RUSF1: variants seen among roughly 807,000 people sequenced by gnomAD.
RUSF1 encodes RUS1 family protein C16orf58.
Under a neutral mutation model 63.0 loss-of-function variants are expected in RUSF1, and 58 were observed. The ratio of observed to expected loss-of-function variants is 0.92; its 90% CI spans 0.75 to 1.15. The LOEUF (loss-of-function observed/expected upper bound fraction) is 1.15. RUSF1 is among the 50% of genes most tolerant of loss of function. The probability of loss-of-function intolerance (pLI) is 0.00; values close to 1 mark genes in which losing one functional copy is unlikely to be tolerated. For synonymous variants in RUSF1, 274 were observed against 255.8 expected (o/e 1.07, Z -0.68); for missense variants, 652 against 611.0 (o/e 1.07, Z -0.71).
intron 9 of RUSF1, 42 bp downstream of exon 9, chr16:31,493,425 T>C (rs1318913486): frequency 4.5e-6 from 7 of 1,558,156 alleles, no homozygotes; most frequent in African/African-American, 1.4e-5. Flanking sequence ...GAGGGGAGTG[T>C]GGGTGGCGGT....
Position 31,508,294 on chromosome 16 carries a change from G to A in RUSF1, c.80C>T (p.Ala27Val). 6.3e-7 allele frequency: 1 copy of A among 1,576,412 alleles called. No homozygotes were observed. The change falls in exon 1 of 13, where the codon GCC becomes GTC. Residue 27 changes from alanine (A) to valine (V), a missense_variant. Physicochemically the swap from Ala to Val is moderately conservative, Grantham distance 64. Coordinates refer to ENST00000327237, the MANE Select transcript of RUSF1 (RefSeq NM_022744.4). ...GSGEARGCRA[A>V]ADGSLQWEVG... ...CTCCCACTGCAGGCTCCCGTCCGCG[G>A]CGGCGCGGCAGCCCCGTGCCTCCCC... is the stretch of plus-strand genomic sequence containing the variant.
chr16:31,495,035 T>C (rs1475583047), intron 6 of RUSF1, among the ~76,000 whole-genome samples: 1 of 152,136 alleles, frequency 6.6e-6, no homozygotes, highest in African/African-American at 2.4e-5. Context: ...ATGCAGTAAC[T>C]GGCAGATAGA....
At chr16:31,491,676 T>C (rs547267188) in intron 12 of RUSF1, among the ~76,000 whole-genome samples, 20 of 144,980 alleles carry the variant, frequency 1.4e-4, no homozygotes, top group African/African-American at 4.3e-4. Flanking sequence ...GCTGGTACAA[T>C]CATGGCTCAC....
chr16:31,508,167 G>A lies in RUSF1; in HGVS notation c.207C>T (p.Pro69=). Reference sequence around the variant, plus strand: ...GGAACACGGCCTGGAGCCCGGAGAGGGGCGGTGAGGGGGCCCCGGAAGCCC... The same window carrying A: ...GGAACACGGCCTGGAGCCCGGAGAGAGGCGGTGAGGGGGCCCCGGAAGCCC... ...EVGASGAPSP[P]LSGLQAVFLP... is the part of the protein sequence containing the mutation. The change falls in exon 1 of 13, where the codon CCC becomes CCT. Residue 69 remains proline, a synonymous_variant. Transcript: ENST00000327237. The A allele has an allele frequency of 6.3e-7, 1 of 1,578,484 alleles. No homozygotes were observed. Among genetic ancestry groups the A allele is most frequent in the Non-Finnish European group, 8.6e-7 (1 of 1,163,326 alleles).
intron 1 of RUSF1, 42 bp from the exon 2 acceptor site, chr16:31,507,920 C>G (rs1379055214): frequency 6.5e-7 from 1 of 1,545,226 alleles, no homozygotes; most frequent in Non-Finnish European, 8.8e-7. Context: ...GGCGTAGGAG[C>G]GTGGCGGTCT....
At position 31,490,137 on chromosome 16, in the gene RUSF1, A is replaced by G. The variant is rs762542751; in HGVS notation, c.*698T>C. 13 of 1,613,976 alleles carry G rather than the reference A, an allele frequency of 8.1e-6. No homozygotes were observed. The highest frequency in any genetic ancestry group is 2.7e-5 in the African/African-American group (2 of 74,924). On this transcript the variant is annotated 3_prime_UTR_variant, in exon 13 of 13. Coordinates refer to ENST00000327237, the MANE Select transcript of RUSF1 (RefSeq NM_022744.4). Reference sequence around the variant, plus strand: ...CCTGGTCTTCAGTCTCCGGCATAGCAAGGAGGAACGGGAGGACCTGGATGC... The same window carrying G: ...CCTGGTCTTCAGTCTCCGGCATAGCGAGGAGGAACGGGAGGACCTGGATGC...
intron 6 of RUSF1, 78 bp downstream of exon 6, chr16:31,496,771 G>A (rs1222334220): frequency 1.4e-5 from 17 of 1,234,220 alleles, no homozygotes; most frequent in Non-Finnish European, 1.8e-5. Context: ...TGTGTTCCTG[G>A]GCCCTCCAGG....
In RUSF1 at chr16:31,490,684, C is replaced by T; in HGVS notation, c.*151G>A. On this transcript the variant is annotated 3_prime_UTR_variant, in exon 13 of 13. Coordinates refer to ENST00000327237, the MANE Select transcript of RUSF1 (RefSeq NM_022744.4). ...GCCTTCCTCTGCCTGGGGCCCACTG[C>T]ATCTGATTGGCAGTCACTTCCCATG... 9.1e-7 allele frequency: 1 copy of T among 1,094,916 alleles called. No individual in the cohort carries two copies. The highest frequency in any genetic ancestry group is 1.4e-6 in the Non-Finnish European group (1 of 731,452). 67.8% of individuals were successfully genotyped at this position (1,094,916 alleles called of 1,614,324 possible). A position where few individuals can be genotyped will look rare whatever the true frequency, so the allele number is the denominator to read the frequency against.
chr16:31,504,308 G>A (rs971417555), intron 2 of RUSF1, among the ~76,000 whole-genome samples: 2 of 151,980 alleles, frequency 1.3e-5, no homozygotes, highest in African/African-American at 4.8e-5. Flanking sequence ...CTGCTCTGCT[G>A]CCCAGGCTGG....
chr16:31,498,045 G>A (rs902061717), intron 5 of RUSF1, among the ~76,000 whole-genome samples: 27 of 152,174 alleles, frequency 1.8e-4, no homozygotes, highest in Admixed American at 2.0e-4. Flanking sequence ...TTTGAGGAGG[G>A]AAAAATAACA....
intron 2 of RUSF1, 117 bp downstream of exon 2, chr16:31,507,647 G>A: frequency 1.1e-6 from 1 of 936,082 alleles, no homozygotes; most frequent in Non-Finnish European, 1.6e-6. Flanking sequence ...TAATCACTGG[G>A]GAGACCTGCC....
At chr16:31,505,879 G>A (rs2082656240) in intron 2 of RUSF1, among the ~76,000 whole-genome samples, 1 of 152,150 alleles carries the variant, frequency 6.6e-6, no homozygotes, top group African/African-American at 2.4e-5. Flanking sequence ...ATGGTGTCCA[G>A]TAACCTTTTC....
rs2082608496 is a variant in RUSF1 at position 31,497,249 on chromosome 16, T to A, written c.601-299A>T. On this transcript the variant is annotated intron_variant, in intron 5 of 12. Transcript: ENST00000327237. Reference sequence around the variant, plus strand: ...CCAGCCCTCCAGCTCCTGCTTGGGCTATACCCTCCCCATTACTGGCGGGAG... The same window carrying A: ...CCAGCCCTCCAGCTCCTGCTTGGGCAATACCCTCCCCATTACTGGCGGGAG... Among the ~76,000 whole-genome samples, 4 of 152,130 alleles carry A rather than the reference T, an allele frequency of 2.6e-5. No individual in the cohort carries two copies. The South Asian group carries it at 8.3e-4, about 32-fold the overall frequency.
Position 31,489,715 on chromosome 16 carries a change from G to T in RUSF1, c.*1120C>A. On this transcript the variant is annotated 3_prime_UTR_variant, in exon 13 of 13. Transcript: ENST00000327237. ...GCTGATGGTGGCAGGGTGGGGTGAG[G>T]ACAGGACAAGAGATCTGGGTGTGGA... 1 of 452,080 alleles carries T rather than the reference G, an allele frequency of 2.2e-6. No individual in the cohort carries two copies. Among genetic ancestry groups the T allele is most frequent in the South Asian group, 2.1e-5 (1 of 47,670 alleles). 28.0% of individuals were successfully genotyped at this position (452,080 alleles called of 1,614,324 possible).
rs2082673891 is a variant in RUSF1, at chr16:31,508,321, G to T, written c.53C>A (p.Ser18Tyr). The T allele has an allele frequency of 1.3e-6, 2 of 1,577,970 alleles. No individual in the cohort carries two copies. The highest frequency in any genetic ancestry group is 1.7e-4 in the Middle Eastern group (1 of 5,754). Residue 18 changes from serine (S) to tyrosine (Y), a missense_variant, in exon 1 of 13, where the codon TCC (serine) becomes TAC (tyrosine). Coordinates refer to ENST00000327237, the MANE Select transcript of RUSF1 (RefSeq NM_022744.4). ...GGCGCGGCAGCCCCGTGCCTCCCCG[G>T]AGCCGAACTGCTCGGAACACAGCGG... Reference protein sequence around the residue: ...ETPLCSEQFGSGEARGCRAAA... With the variant: ...ETPLCSEQFGYGEARGCRAAA...
In RUSF1 at chr16:31,490,528, A is replaced by C. The variant is rs141376808; in HGVS notation, c.*307T>G. 1.9e-6 allele frequency: 3 copies of C among 1,610,906 alleles called. No homozygotes were observed. Among genetic ancestry groups the C allele is most frequent in the African/African-American group, 1.3e-5 (1 of 74,904 alleles). On this transcript the variant is annotated 3_prime_UTR_variant, in exon 13 of 13. Transcript: ENST00000327237. ...GTGGCCGTGTTCCTCTGGGGCTTCT[A>C]TGCCTAAGACCAACTGCGTTGGACA...
chr16:31,490,772 G>T lies in RUSF1; in HGVS notation c.*63C>A. 1 of 1,561,786 alleles carries T rather than the reference G, an allele frequency of 6.4e-7. No individual in the cohort carries two copies. The highest frequency in any genetic ancestry group is 8.8e-7 in the Non-Finnish European group (1 of 1,133,436). ...AATAAAGCTGCCTTTCCCCTGTCCT[G>T]CTGTGGCCAAAGTGTCCTTGCTCCA... is the stretch of plus-strand genomic sequence containing the variant. On this transcript the variant is annotated 3_prime_UTR_variant, in exon 13 of 13. Coordinates refer to ENST00000327237, the MANE Select transcript of RUSF1 (RefSeq NM_022744.4).
chr16:31,492,545 C>T (rs528654546), intron 10 of RUSF1, among the ~76,000 whole-genome samples: 5 of 152,288 alleles, frequency 3.3e-5, no homozygotes, highest in East Asian at 1.9e-4. Flanking sequence ...ATTTCCCAGC[C>T]GCTCACTGGG....
rs532838657 is a variant in RUSF1 at position 31,490,081 on chromosome 16, G to T, written c.*754C>A. The stretch of plus-strand genomic sequence containing the variant: ...CATGGGGGGACAGAACTCCCACCTC[G>T]TTCGTGCTCCCACCCTCCCCAGCTC... On this transcript the variant is annotated 3_prime_UTR_variant, in exon 13 of 13. Transcript: ENST00000327237. 1.2e-6 allele frequency: 2 copies of T among 1,612,922 alleles called. No individual in the cohort carries two copies. Among genetic ancestry groups the T allele is most frequent in the African/African-American group, 2.7e-5 (2 of 74,992 alleles).
Sources: allele counts gnomAD v4.1 joint callset (sites outside exome capture counted in the v4.1 genomes callset), GRCh38; gene constraint gnomAD v4.1.1; transcripts MANE v1.5; gene names NCBI Gene and HGNC (gene_info 2026-07-23, HGNC 2026-07-21).